Variants in SLC35D2 observed in about 807,000 individuals in gnomAD.
SLC35D2 encodes the protein nucleotide sugar transporter SLC35D2.
In SLC35D2, 43 loss-of-function variants were observed where a neutral mutation model predicts 41.8. That is an observed-to-expected ratio of 1.03 (90% CI 0.81 to 1.33). The LOEUF is 1.33. Among genes scored for constraint, SLC35D2 ranks in the 40% most tolerant of loss-of-function variants. The pLI, the probability that SLC35D2 is intolerant of heterozygous loss-of-function variation, is 0.00. For missense variants in SLC35D2, 380 were observed against 408.4 expected (o/e 0.93, Z 0.60); for synonymous variants, 150 against 163.9 (o/e 0.92, Z 0.65).
intron 1 of SLC35D2, among the ~76,000 whole-genome samples, chr9:96,368,890 G>A (rs1304249387): frequency 6.6e-6 from 1 of 151,668 alleles, no homozygotes; most frequent in Non-Finnish European, 1.5e-5. Context: ...TCAGCCTCCC[G>A]AGTAGCTGGG....
chr9:96,325,514 C>T (rs12375999), intron 9 of SLC35D2, among the ~76,000 whole-genome samples: 27,997 of 152,090 alleles, frequency 0.18, 3,039 homozygotes, highest in African/African-American at 0.3. Context: ...GAAACCCTGT[C>T]TCTACTAAAA....
In SLC35D2 at chr9:96,335,359, TTTTG is replaced by T. The variant is rs369373050; in HGVS notation, c.752+1354_752+1357del. Among the ~76,000 whole-genome samples, 826 of 152,122 alleles carry T rather than the reference TTTTG, an allele frequency of 5.4e-3. 9 individuals carry two copies. The highest frequency in any genetic ancestry group is 0.019 in the African/African-American group (772 of 41,508). ...GGAGTTGGTGTTCCCTATTTATTCT[TTTTG>T]TTTGTTTGTTTGTTTGAGATGGAGT... is the stretch of plus-strand genomic sequence containing the variant. On this transcript the variant is annotated intron_variant, in intron 9 of 11. Transcript: ENST00000253270.
chr9:96,376,017 C>T (rs572640355), intron 1 of SLC35D2, among the ~76,000 whole-genome samples: 261 of 151,320 alleles, frequency 1.7e-3, no homozygotes, highest in Non-Finnish European at 1.2e-3. Flanking sequence ...AAAAATTGGC[C>T]GGGCACAGTG....
intron 10 of SLC35D2, among the ~76,000 whole-genome samples, chr9:96,322,933 G>A (rs1157346570): frequency 1.3e-5 from 2 of 151,868 alleles, no homozygotes; most frequent in East Asian, 3.9e-4. Context: ...TGGCCAGGCT[G>A]GTCTCTAATT....
downstream of SLC35D2, among the ~76,000 whole-genome samples, chr9:96,316,954 T>C (rs1050423093): frequency 6.6e-6 from 1 of 151,910 alleles, no homozygotes; most frequent in Non-Finnish European, 1.5e-5. Context: ...CTGGCTAACA[T>C]GGTGAAACCC....
At chr9:96,348,999 G>A (rs1262292082) in intron 6 of SLC35D2, among the ~76,000 whole-genome samples, 4 of 152,194 alleles carry the variant, frequency 2.6e-5, no homozygotes, top group East Asian at 3.9e-4. Context: ...CTAGAAGAGA[G>A]GGGCTGTGCC....
chr9:96,319,835 C>A (rs1252497148), downstream of SLC35D2, among the ~76,000 whole-genome samples: 1 of 152,240 alleles, frequency 6.6e-6, no homozygotes, highest in Non-Finnish European at 1.5e-5. Flanking sequence ...CTGTGTTGGC[C>A]TGCTCCAGAT....
intron 9 of SLC35D2, among the ~76,000 whole-genome samples, 153 bp from the exon 10 acceptor site, chr9:96,324,322 T>C (rs1165617819): frequency 6.6e-6 from 1 of 152,200 alleles, no homozygotes; most frequent in African/African-American, 2.4e-5. Flanking sequence ...TCTTAAGATA[T>C]GTTGCTATTG....
At chr9:96,336,511 CAA>C (rs1424016021) in intron 9 of SLC35D2, among the ~76,000 whole-genome samples, 1 of 152,176 alleles carries the variant, frequency 6.6e-6, no homozygotes, top group Non-Finnish European at 1.5e-5. Context: ...CTTTCAAAAA[CAA>C]GAGTTGTATG....
intron 4 of SLC35D2, 41 bp from the exon 5 acceptor site, chr9:96,352,150 G>A: frequency 1.4e-6 from 2 of 1,383,200 alleles, no homozygotes; most frequent in South Asian, 1.2e-5. Context: ...ACCAAGGGTT[G>A]GTTGATTGGT....
chr9:96,323,498 A>G (rs1828352840), intron 10 of SLC35D2, among the ~76,000 whole-genome samples: 1 of 152,100 alleles, frequency 6.6e-6, no homozygotes, highest in Non-Finnish European at 1.5e-5. Flanking sequence ...ACCTGGACTG[A>G]TTTTATTCTT....
At chr9:96,357,028 A>G (rs1830055093) in intron 4 of SLC35D2, among the ~76,000 whole-genome samples, 1 of 152,018 alleles carries the variant, frequency 6.6e-6, no homozygotes, top group Non-Finnish European at 1.5e-5. Context: ...AAAATACAAA[A>G]TTAGCTGGGC....
exon 12 of SLC35D2, among the ~76,000 whole-genome samples, chr9:96,313,533 T>C (rs1827980997): frequency 1.3e-5 from 2 of 152,168 alleles, no homozygotes; most frequent in Non-Finnish European, 2.9e-5. Flanking sequence ...TCCCCAGGTA[T>C]CACCCAAAGC....
intron 6 of SLC35D2, among the ~76,000 whole-genome samples, chr9:96,348,894 C>T (rs1205807558): frequency 6.6e-6 from 1 of 152,194 alleles, no homozygotes; most frequent in Non-Finnish European, 1.5e-5. Flanking sequence ...AGGGCCATTC[C>T]TCACCAAAGA....
At chr9:96,351,483 G>A (rs1829811406) in intron 5 of SLC35D2, among the ~76,000 whole-genome samples, 1 of 151,838 alleles carries the variant, frequency 6.6e-6, no homozygotes, top group Non-Finnish European at 1.5e-5. Context: ...AGTATTCAAA[G>A]ATTATGATAA....
chr9:96,368,180 T>A, intron 2 of SLC35D2, 92 bp downstream of exon 2: 1 of 960,506 alleles, frequency 1.0e-6, no homozygotes, highest in Admixed American at 2.5e-5. Flanking sequence ...CTGAATAAAT[T>A]TGCAAACCAC....
intron 4 of SLC35D2, among the ~76,000 whole-genome samples, chr9:96,359,267 GCACT>G (rs76316285): frequency 0.68 from 101,268 of 149,754 alleles, 35,844 homozygotes; most frequent in African/African-American, 0.9. Flanking sequence ...TTGTGCCACT[GCACT>G]CACTCTAGCC....
At chr9:96,330,062 C>G (rs1472720567) in intron 9 of SLC35D2, among the ~76,000 whole-genome samples, 1 of 152,236 alleles carries the variant, frequency 6.6e-6, no homozygotes, top group Non-Finnish European at 1.5e-5. Flanking sequence ...TGGTCCAAGG[C>G]CAAAGGCCTC....
At position 96,383,505 on chromosome 9, in the gene SLC35D2, C is replaced by G; in HGVS notation, c.130G>C (p.Val44Leu). ...TAGGTGGTCAGCAGCGCCTTGTTGA[C>G]AAGCACGATGAGGAAGGAGCAGGTC... ...YGTCSFLIVL[V>L]NKALLTTYGF... Residue 44 changes from valine (V) to leucine (L), a missense_variant, in exon 1 of 12, where the codon GTC (valine) becomes CTC (leucine). Transcript: ENST00000253270. 2 of 1,537,570 alleles carry G rather than the reference C, an allele frequency of 1.3e-6. No homozygotes were observed. Among genetic ancestry groups the G allele is most frequent in the Middle Eastern group, 1.8e-4 (1 of 5,680 alleles).
Sources: gnomAD v4.1 joint callset for allele counts (sites outside exome capture counted in the v4.1 genomes callset) on GRCh38, gnomAD v4.1.1 for gene constraint, MANE v1.5 for transcripts, NCBI Gene and HGNC (gene_info 2026-07-23, HGNC 2026-07-21) for gene names.